The following DPP10 variants were observed in gnomAD, a reference collection of about 807,000 sequenced individuals.
DPP10 encodes inactive dipeptidyl peptidase 10.
In DPP10, 33 loss-of-function variants were observed where a neutral mutation model predicts 120.9. The observed-to-expected ratio is 0.27, with a 90% CI of 0.21 to 0.37. DPP10 has a LOEUF of 0.37. Ranked by LOEUF, DPP10 falls within the 10% of genes least tolerant of loss-of-function variation. The pLI is 1.00. For synonymous variants in DPP10, 337 were observed against 326.1 expected (o/e 1.03, Z -0.36); for missense variants, 816 against 942.8 (o/e 0.87, Z 1.76).
intron 1 of DPP10, among the ~76,000 whole-genome samples, chr2:115,009,242 T>C (rs1358405665): frequency 2.6e-5 from 4 of 151,170 alleles, no homozygotes; most frequent in Non-Finnish European, 5.9e-5. Context: ...TGGAATACTA[T>C]GCAGCCATAA....
At chr2:115,238,943 A>G (rs1470514809) in intron 1 of DPP10, among the ~76,000 whole-genome samples, 2 of 152,144 alleles carry the variant, frequency 1.3e-5, no homozygotes, top group African/African-American at 4.8e-5. Context: ...CCAAGTCCCA[A>G]AGCTGAAGAA....
chr2:115,017,027 A>G (rs1702692706), intron 1 of DPP10, among the ~76,000 whole-genome samples: 1 of 136,380 alleles, frequency 7.3e-6, no homozygotes, highest in East Asian at 2.5e-4. Flanking sequence ...TGAACACAGG[A>G]AGGGGAACAT....
chr2:115,478,265 G>T (rs759812494), intron 3 of DPP10, among the ~76,000 whole-genome samples: 3 of 152,160 alleles, frequency 2.0e-5, no homozygotes, highest in Admixed American at 1.3e-4. Context: ...CAAATATGTG[G>T]TTAACTTATT....
At chr2:115,336,322 A>G (rs925851487) in intron 2 of DPP10, among the ~76,000 whole-genome samples, 8 of 152,156 alleles carry the variant, frequency 5.3e-5, no homozygotes, top group East Asian at 3.9e-4. Context: ...CTGTTGCCAC[A>G]TTCATATTGT....
intron 1 of DPP10, among the ~76,000 whole-genome samples, chr2:115,173,860 C>T (rs1356968883): frequency 2.0e-5 from 3 of 152,054 alleles, no homozygotes; most frequent in Non-Finnish European, 2.9e-5. Flanking sequence ...CAGTTGAGAA[C>T]GATAAAGGCT....
chr2:115,423,476 C>A (rs1457919954), intron 3 of DPP10, among the ~76,000 whole-genome samples: 1 of 152,104 alleles, frequency 6.6e-6, no homozygotes, highest in Non-Finnish European at 1.5e-5. Flanking sequence ...ATAGTCAGAT[C>A]TTTTAAGTGA....
At chr2:114,937,598 G>T (rs890591594) in intron 1 of DPP10, among the ~76,000 whole-genome samples, 1 of 152,124 alleles carries the variant, frequency 6.6e-6, no homozygotes, top group Non-Finnish European at 1.5e-5. Flanking sequence ...TTGTGGCACT[G>T]GTTGACTATT....
chr2:115,815,048 A>G (rs1158587798), intron 20 of DPP10, 61 bp downstream of exon 20: 34 of 1,453,498 alleles, frequency 2.3e-5, no homozygotes, highest in Non-Finnish European at 2.9e-5. Flanking sequence ...GGTATATGAC[A>G]TATAATATTA....
chr2:115,384,448 A>G (rs1234475618), intron 3 of DPP10, among the ~76,000 whole-genome samples: 2 of 125,092 alleles, frequency 1.6e-5, no homozygotes, highest in African/African-American at 5.8e-5. Flanking sequence ...AAGAGGAGGA[A>G]GAAGAAGAAG....
At chr2:115,369,262 A>T (rs2106389718) in intron 3 of DPP10, among the ~76,000 whole-genome samples, 1 of 152,238 alleles carries the variant, frequency 6.6e-6, no homozygotes, top group East Asian at 1.9e-4. Flanking sequence ...TGTTCTCAAA[A>T]GTACATGAAA....
intron 5 of DPP10, among the ~76,000 whole-genome samples, chr2:115,536,176 C>A (rs946738252): frequency 6.6e-6 from 1 of 152,028 alleles, no homozygotes; most frequent in Admixed American, 6.6e-5. Flanking sequence ...GAGAAAACCA[C>A]TGTTAATGTA....
chr2:115,282,131 G>A (rs2060183427), intron 1 of DPP10, among the ~76,000 whole-genome samples: 1 of 151,842 alleles, frequency 6.6e-6, no homozygotes, highest in Admixed American at 6.6e-5. Context: ...TAACTTTAGT[G>A]TTTATTTTTA....
chr2:115,234,598 A>G (rs578020675), intron 1 of DPP10: 62 of 152,440 alleles, frequency 4.1e-4, no homozygotes, highest in African/African-American at 1.5e-3. Flanking sequence ...ATAGCAGTTA[A>G]TACGGCGTGC....
At chr2:115,536,392 A>C (rs1281013427) in intron 5 of DPP10, among the ~76,000 whole-genome samples, 1 of 152,006 alleles carries the variant, frequency 6.6e-6, no homozygotes, top group Non-Finnish European at 1.5e-5. Context: ...AATTTATTCA[A>C]CTCAATATCT....
chr2:115,375,903 C>T (rs994577567), intron 3 of DPP10, among the ~76,000 whole-genome samples: 2 of 152,202 alleles, frequency 1.3e-5, no homozygotes, highest in Non-Finnish European at 2.9e-5. Flanking sequence ...CAGACCCATT[C>T]CCCAACATGG....
At chr2:114,624,775 A>G (rs1694380714) in intron 1 of DPP10, among the ~76,000 whole-genome samples, 1 of 151,982 alleles carries the variant, frequency 6.6e-6, no homozygotes, top group African/African-American at 2.4e-5. Flanking sequence ...CATTAATGAA[A>G]GAAAATATGA....
intron 22 of DPP10, 107 bp from the exon 23 acceptor site, chr2:115,836,400 G>A: frequency 6.8e-7 from 1 of 1,461,520 alleles, no homozygotes. Context: ...TGATTCAGCT[G>A]ATTTTACTAA....
intron 1 of DPP10, among the ~76,000 whole-genome samples, chr2:114,583,112 T>A (rs1048636856): frequency 1.2e-4 from 19 of 152,264 alleles, no homozygotes; most frequent in African/African-American, 4.3e-4. Flanking sequence ...CTTCTTTCTC[T>A]ATATTAGCCT....
chr2:115,616,898 C>A (rs1159731263), intron 5 of DPP10, among the ~76,000 whole-genome samples: 1 of 152,020 alleles, frequency 6.6e-6, no homozygotes, highest in East Asian at 1.9e-4. Flanking sequence ...TATGTTCAAT[C>A]ATCTACTGGA....
Sources: allele counts gnomAD v4.1 joint callset (sites outside exome capture counted in the v4.1 genomes callset), GRCh38; gene constraint gnomAD v4.1.1; transcripts MANE v1.5; gene names NCBI Gene and HGNC (gene_info 2026-07-23, HGNC 2026-07-21).